RAPGEF5: variants seen among roughly 807,000 people sequenced by gnomAD.
RAPGEF5 encodes the protein M-Ras-regulated GEF.
Under a neutral mutation model 125.2 loss-of-function variants are expected in RAPGEF5, and 65 were observed. The ratio of observed to expected loss-of-function variants is 0.52; its 90% confidence interval spans 0.43 to 0.64. The LOEUF is 0.64. Among genes scored for constraint, RAPGEF5 ranks in the 30% least tolerant of loss-of-function variants. RAPGEF5 has a pLI of 0.00. For missense variants in RAPGEF5, 958 were observed against 1,048.1 expected (o/e 0.91, Z 1.19); for synonymous variants, 391 against 385.9 (o/e 1.01, Z -0.16).
intron 6 of RAPGEF5, among the ~76,000 whole-genome samples, chr7:22,274,061 C>T (rs1782502415): frequency 6.6e-6 from 1 of 152,152 alleles, no homozygotes; most frequent in Non-Finnish European, 1.5e-5. Context: ...TCCATGGCAT[C>T]CCATGCTCCA....
chr7:22,268,260 A>G (rs1005129596), intron 6 of RAPGEF5, among the ~76,000 whole-genome samples: 10 of 152,232 alleles, frequency 6.6e-5, no homozygotes, highest in African/African-American at 2.4e-4. Flanking sequence ...GGAAAATTAC[A>G]TGGCAGTGAG....
At chr7:22,272,266 C>T (rs1264710910) in intron 6 of RAPGEF5, among the ~76,000 whole-genome samples, 1 of 149,684 alleles carries the variant, frequency 6.7e-6, no homozygotes, top group East Asian at 2.0e-4. Flanking sequence ...TCACTTGAAC[C>T]CGGGAGGCGG....
At chr7:22,273,698 C>T (rs1191557746) in intron 6 of RAPGEF5, among the ~76,000 whole-genome samples, 1 of 152,188 alleles carries the variant, frequency 6.6e-6, no homozygotes, top group Non-Finnish European at 1.5e-5. Context: ...AAGTCTGCTA[C>T]ACATGCACCT....
chr7:22,132,168 T>G (rs560696931), intron 23 of RAPGEF5, among the ~76,000 whole-genome samples: 1 of 152,320 alleles, frequency 6.6e-6, no homozygotes, highest in South Asian at 2.1e-4. Context: ...ATCAAGATTT[T>G]TATTCTGCTG....
intron 19 of RAPGEF5, among the ~76,000 whole-genome samples, chr7:22,146,076 A>G (rs746192597): frequency 2.1e-4 from 32 of 152,090 alleles, no homozygotes; most frequent in Non-Finnish European, 4.4e-4. Context: ...CAAAGACACA[A>G]GTCATTTAGT....
intron 7 of RAPGEF5, among the ~76,000 whole-genome samples, chr7:22,246,127 A>G (rs915488878): frequency 2.0e-5 from 3 of 152,180 alleles, no homozygotes; most frequent in Admixed American, 6.5e-5. Context: ...GGAAGAATGA[A>G]TATCGTTAAA....
At chr7:22,141,690 C>G (rs1405262553) in intron 20 of RAPGEF5, among the ~76,000 whole-genome samples, 1 of 152,248 alleles carries the variant, frequency 6.6e-6, no homozygotes, top group African/African-American at 2.4e-5. Context: ...ATCTTGCAGG[C>G]ACCTTGCTGC....
intron 6 of RAPGEF5, among the ~76,000 whole-genome samples, chr7:22,279,695 C>T (rs1000966602): frequency 6.6e-6 from 1 of 152,180 alleles, no homozygotes; most frequent in African/African-American, 2.4e-5. Flanking sequence ...GAAGATTATT[C>T]AGGAGGGATC....
chr7:22,174,589 T>C (rs1311750915), intron 11 of RAPGEF5, among the ~76,000 whole-genome samples: 1 of 152,192 alleles, frequency 6.6e-6, no homozygotes, highest in Non-Finnish European at 1.5e-5. Flanking sequence ...AGCACAGTTG[T>C]GTAGTAGTAA....
chr7:22,195,596 G>A (rs1274041693), intron 9 of RAPGEF5, among the ~76,000 whole-genome samples: 1 of 152,038 alleles, frequency 6.6e-6, no homozygotes, highest in Non-Finnish European at 1.5e-5. Context: ...GACGACAGTG[G>A]GACTCCCGTA....
intron 5 of RAPGEF5, among the ~76,000 whole-genome samples, chr7:22,298,111 A>C (rs1462418186): frequency 6.6e-6 from 1 of 151,502 alleles, no homozygotes; most frequent in African/African-American, 2.4e-5. Flanking sequence ...CTTTTTCATA[A>C]CGTATTTATA....
Position 22,145,024 on chromosome 7 carries a change from T to G in RAPGEF5, c.2186+20A>C. 1.2e-6 allele frequency: 2 copies of G among 1,608,578 alleles called. No individual in the cohort carries two copies. Among genetic ancestry groups the G allele is most frequent in the Non-Finnish European group, 1.7e-6 (2 of 1,176,376 alleles). ...CTCAAGAAGACTAGAGGAATGGCAC[T>G]TCTCACACTAGAAACTTACTGAGCC... On this transcript the variant is annotated intron_variant, in intron 20 of 25. Coordinates refer to ENST00000665637, the MANE Select transcript of RAPGEF5 (RefSeq NM_012294.5).
chr7:22,154,415 T>A, intron 17 of RAPGEF5, 40 bp downstream of exon 17: 1 of 1,605,030 alleles, frequency 6.2e-7, no homozygotes, highest in East Asian at 2.2e-5. Flanking sequence ...TTGAAGGAGA[T>A]CAGTGAAAGA....
In RAPGEF5 at chr7:22,122,285, T is replaced by C. The variant is rs1782603481; in HGVS notation, c.*121A>G. On this transcript the variant is annotated 3_prime_UTR_variant, in exon 26 of 26. Coordinates refer to ENST00000665637, the MANE Select transcript of RAPGEF5 (RefSeq NM_012294.5). ...ACGCTTTGGCTGGCTTTCCTGTGAA[T>C]GTCTTGGGTTATACTGATAAAACTC... The C allele has an allele frequency of 1.3e-6, 1 of 741,906 alleles. No individual in the cohort carries two copies. The allele number at this position is 741,906 out of a possible 1,614,324, so 46.0% of individuals were successfully genotyped here.
intron 11 of RAPGEF5, among the ~76,000 whole-genome samples, chr7:22,185,892 T>C (rs1488862439): frequency 6.6e-6 from 1 of 152,104 alleles, no homozygotes; most frequent in Non-Finnish European, 1.5e-5. Flanking sequence ...TCTTACTCTG[T>C]TGCCCAAGCT....
chr7:22,290,815 T>G (rs1782917377), intron 6 of RAPGEF5, among the ~76,000 whole-genome samples: 1 of 152,214 alleles, frequency 6.6e-6, no homozygotes, highest in East Asian at 1.9e-4. Flanking sequence ...GACCCGGCCT[T>G]TTTTGGCTGA....
chr7:22,347,965 T>C (rs1269820734), intron 1 of RAPGEF5, among the ~76,000 whole-genome samples: 1 of 152,194 alleles, frequency 6.6e-6, no homozygotes, highest in African/African-American at 2.4e-5. Context: ...TAAAATATTT[T>C]GATTCAAAAA....
chr7:22,273,180 C>A (rs13247450), intron 6 of RAPGEF5, among the ~76,000 whole-genome samples: 3 of 150,388 alleles, frequency 2.0e-5, no homozygotes, highest in Non-Finnish European at 4.4e-5. Context: ...TGTATCTATC[C>A]TTACTCATCT....
intron 11 of RAPGEF5, among the ~76,000 whole-genome samples, chr7:22,172,178 A>G (rs1176099654): frequency 2.0e-5 from 3 of 152,098 alleles, no homozygotes; most frequent in South Asian, 2.1e-4. Context: ...GCTGGAGTAC[A>G]GTGGCATGAT....
Sources: gnomAD v4.1 joint callset for allele counts (sites outside exome capture counted in the v4.1 genomes callset) on GRCh38, gnomAD v4.1.1 for gene constraint, MANE v1.5 for transcripts, NCBI Gene and HGNC (gene_info 2026-07-23, HGNC 2026-07-21) for gene names.